The following NT5DC3 variants were observed in gnomAD, a reference collection of about 807,000 sequenced individuals.
The protein encoded by NT5DC3 is 5'-nucleotidase domain containing 3, also known as 5'-nucleotidase domain-containing protein 3.
NT5DC3 carries 42 observed loss-of-function variants against 67.8 expected under a neutral mutation model. The ratio of observed to expected loss-of-function variants is 0.62; its 90% CI spans 0.48 to 0.80. NT5DC3 has a LOEUF of 0.80. Ranked by LOEUF, NT5DC3 falls within the 30% of genes least tolerant of loss-of-function variation. The pLI, the probability that NT5DC3 is intolerant of heterozygous loss-of-function variation, is 0.00. For synonymous variants in NT5DC3, 237 were observed against 255.6 expected (o/e 0.93, Z 0.69); for missense variants, 570 against 696.4 (o/e 0.82, Z 2.04).
chr12:103,766,099 C>T (rs1264888715), downstream of NT5DC3: 2 of 748,932 alleles, frequency 2.7e-6, no homozygotes, highest in South Asian at 1.5e-5. Flanking sequence ...GAGACTAAAA[C>T]AGGTGGCCCT....
intron 4 of NT5DC3, chr12:103,802,244 G>A (rs1473484282): frequency 6.6e-6 from 1 of 152,282 alleles, no homozygotes; most frequent in Non-Finnish European, 1.5e-5. Flanking sequence ...CCCAGGAGAA[G>A]AAAGAGGAGA....
chr12:103,788,752 CA>C, intron 10 of NT5DC3, 85 bp downstream of exon 10: 1 of 870,394 alleles, frequency 1.1e-6, no homozygotes, highest in Non-Finnish European at 2.0e-6. Flanking sequence ...GCCAGGCATA[CA>C]GTAAGCCACA....
downstream of NT5DC3, among the ~76,000 whole-genome samples, chr12:103,769,961 G>T (rs1410957251): frequency 2.0e-5 from 3 of 152,224 alleles, no homozygotes; most frequent in Non-Finnish European, 4.4e-5. Flanking sequence ...AAGGATTGGG[G>T]CAGGCAGGCT....
At chr12:103,754,988 C>A in the NT5DC3 span, 14 of 297,196 alleles carry the variant, frequency 4.7e-5, no homozygotes, top group Admixed American at 2.7e-4. Flanking sequence ...AGAGTTCTAC[C>A]AACCCATTAG....
the NT5DC3 span, among the ~76,000 whole-genome samples, chr12:103,756,999 ATAT>A: frequency 0.017 from 797 of 47,250 alleles, 21 homozygotes; most frequent in African/African-American, 0.04. Flanking sequence ...GAGGGAAAAT[ATAT>A]ATATATATAT....
At chr12:103,785,948 C>T (rs943912953) in intron 11 of NT5DC3, among the ~76,000 whole-genome samples, 31 of 151,816 alleles carry the variant, frequency 2.0e-4, no homozygotes, top group African/African-American at 7.3e-4. Flanking sequence ...TTTTCCATTC[C>T]AAATGCTGTC....
chr12:103,766,197 T>C, downstream of NT5DC3: 1 of 1,525,476 alleles, frequency 6.6e-7, no homozygotes. Flanking sequence ...TCAGGGAGAG[T>C]CATGCCTCAG....
intron 6 of NT5DC3, among the ~76,000 whole-genome samples, chr12:103,795,288 G>A (rs936077660): frequency 6.6e-6 from 1 of 152,056 alleles, no homozygotes; most frequent in African/African-American, 2.4e-5. Context: ...ATATTATTAT[G>A]AAGATTTAGT....
At chr12:103,793,046 A>T in intron 9 of NT5DC3, 118 bp downstream of exon 9, 1 of 763,374 alleles carries the variant, frequency 1.3e-6, no homozygotes, top group Non-Finnish European at 2.2e-6. Context: ...GTTAAAATTC[A>T]AAAGCTATAA....
At chr12:103,793,855 G>T in intron 7 of NT5DC3, 82 bp downstream of exon 7, 1 of 1,152,360 alleles carries the variant, frequency 8.7e-7, no homozygotes, top group Non-Finnish European at 1.3e-6. Flanking sequence ...CTTAGCACCT[G>T]GAATGCAAAG....
chr12:103,746,882 C>T, the NT5DC3 span, among the ~76,000 whole-genome samples: 1 of 152,058 alleles, frequency 6.6e-6, no homozygotes, highest in African/African-American at 2.4e-5. Context: ...TCTGCTCACC[C>T]TCTAGGTCAG....
chr12:103,747,231 G>A, the NT5DC3 span, among the ~76,000 whole-genome samples: 35 of 152,046 alleles, frequency 2.3e-4, no homozygotes, highest in African/African-American at 8.5e-4. Flanking sequence ...CTCACCACTA[G>A]GTGAGAACCA....
At chr12:103,759,263 C>T in the NT5DC3 span, 4 of 1,614,068 alleles carry the variant, frequency 2.5e-6, no homozygotes, top group Non-Finnish European at 3.4e-6. Context: ...AGCCAGGACC[C>T]ACTCCAACCG....
chr12:103,746,748 G>T, the NT5DC3 span: 2 of 1,592,166 alleles, frequency 1.3e-6, no homozygotes, highest in South Asian at 2.2e-5. Flanking sequence ...CATGGTGTGG[G>T]AGAGGAGCAG....
chr12:103,750,783 T>C, the NT5DC3 span: 1 of 1,527,398 alleles, frequency 6.5e-7, no homozygotes, highest in Non-Finnish European at 8.8e-7. Flanking sequence ...GAAGGGACCC[T>C]CAAGGGAAAG....
chr12:103,839,480 G>C (rs2139500870), intron 1 of NT5DC3, among the ~76,000 whole-genome samples: 1 of 152,312 alleles, frequency 6.6e-6, no homozygotes, highest in East Asian at 1.9e-4. Context: ...GGGCTCAAGA[G>C]ATCTGCCTGC....
chr12:103,813,046 G>T (rs1199033954), intron 2 of NT5DC3, among the ~76,000 whole-genome samples: 1 of 152,234 alleles, frequency 6.6e-6, no homozygotes. Context: ...CAGCAGTGAG[G>T]CCTTAGAACC....
chr12:103,788,092 C>T (rs993902866), intron 10 of NT5DC3, among the ~76,000 whole-genome samples: 2 of 151,880 alleles, frequency 1.3e-5, no homozygotes, highest in African/African-American at 4.8e-5. Flanking sequence ...TAATGGTCAC[C>T]GATGCAATAA....
chr12:103,805,441 T>C (rs1272037241), intron 4 of NT5DC3, among the ~76,000 whole-genome samples: 4 of 152,192 alleles, frequency 2.6e-5, no homozygotes, highest in African/African-American at 7.2e-5. Flanking sequence ...GAGAGAAGAA[T>C]GTAAGCTAAG....
Sources: allele counts gnomAD v4.1 joint callset (sites outside exome capture counted in the v4.1 genomes callset), GRCh38; gene constraint gnomAD v4.1.1; transcripts MANE v1.5; gene names NCBI Gene and HGNC (gene_info 2026-07-23, HGNC 2026-07-21).